Variants in MEIS3 observed in about 807,000 individuals in gnomAD.
The protein encoded by MEIS3 is homeobox protein Meis3.
In MEIS3, 38 loss-of-function variants were observed where a neutral mutation model predicts 51.4. That is an observed-to-expected ratio of 0.74 (90% CI 0.57 to 0.97). MEIS3 has a LOEUF of 0.97. Among genes scored for constraint, MEIS3 ranks in the 50% least tolerant of loss-of-function variants. The pLI is 0.00. For synonymous variants in MEIS3, 198 were observed against 201.8 expected, an observed-to-expected ratio of 0.98 and a Z score of 0.16; for missense variants, 456 against 502.6, an observed-to-expected ratio of 0.91 and a Z score of 0.89.
rs1167410308 is a variant in MEIS3 at position 47,419,423 on chromosome 19, C to G, written c.-342G>C. 3.3e-5 allele frequency: 5 copies of G among 151,204 alleles called. 1 individual carries two copies. The highest frequency in any genetic ancestry group is 5.9e-5 in the Non-Finnish European group (4 of 68,254). The allele number at this position is 151,204 out of a possible 1,614,324, so 9.4% of individuals were successfully genotyped here. ...TGGAGGGAATCGAACCGTCCCGAGACGGACACACCGGGGACCGCAGGGGGC... is the reference window on the plus strand; with the variant it reads ...TGGAGGGAATCGAACCGTCCCGAGAGGGACACACCGGGGACCGCAGGGGGC... On this transcript the variant is annotated 5_prime_UTR_variant, in exon 1 of 13. Transcript: ENST00000558555.
Position 47,406,868 on chromosome 19 carries a change from G to T in MEIS3, c.1078+20C>A. ...TCATGGTGCGCAGGGGCGGGGCCTA[G>T]CTAAGGGGGCGAGGCTTACCCGGAG... is the stretch of plus-strand genomic sequence containing the variant. On this transcript the variant is annotated intron_variant, in intron 11 of 12. Coordinates refer to ENST00000558555, the MANE Select transcript of MEIS3 (RefSeq NM_001301059.2). 6.4e-7 allele frequency: 1 copy of T among 1,555,968 alleles called. No individual in the cohort carries two copies.
chr19:47,410,554 C>G (rs1168145176), intron 6 of MEIS3, among the ~76,000 whole-genome samples: 4 of 151,748 alleles, frequency 2.6e-5, no homozygotes, highest in African/African-American at 4.8e-5. Context: ...ATCACAAGGT[C>G]AGGAGATCGA....
chr19:47,407,597 C>T (rs1343243269), intron 8 of MEIS3, 169 bp from the exon 9 acceptor site: 1 of 1,453,458 alleles, frequency 6.9e-7, no homozygotes, highest in Non-Finnish European at 9.0e-7. Context: ...ACCAAGGGAG[C>T]CTCAGGCTTG....
chr19:47,417,056 A>C (rs1971463572), intron 2 of MEIS3, 93 bp from the exon 3 acceptor site: 2 of 1,529,016 alleles, frequency 1.3e-6, no homozygotes, highest in African/African-American at 1.4e-5. Flanking sequence ...AGGGGACAAG[A>C]GACCCAGAGA....
chr19:47,420,940 A>ACACACTCTCTCTCTCT (rs1187725467), upstream of MEIS3, among the ~76,000 whole-genome samples: 155 of 90,936 alleles, frequency 1.7e-3, 1 homozygote, highest in African/African-American at 7.1e-3. Flanking sequence ...ACACACACAC[A>ACACACTCTCTCTCTCT]CTCTCTCTCT....
intron 12 of MEIS3, 118 bp downstream of exon 12, chr19:47,406,342 G>T (rs1220209708): frequency 1.4e-6 from 1 of 701,220 alleles, no homozygotes; most frequent in Non-Finnish European, 2.5e-6. Context: ...AAGCCTCAGA[G>T]AACCCACAGT....
rs756281973 is a variant in MEIS3, at chr19:47,416,957, C to A, written c.192G>T (p.Pro64=). ...KREKDEIYGH[P]LFPLLALVFE... ...AGACCAGGGCCAAGAGGGGGAAGAG[C>A]GGGTGTCTGGGGAGGCAGGAAAGGA... is the stretch of plus-strand genomic sequence containing the variant. The change falls in exon 3 of 13, where the codon CCG becomes CCT. Residue 64 remains proline (P), a synonymous_variant. Transcript: ENST00000558555. 4.4e-6 allele frequency: 7 copies of A among 1,583,424 alleles called. No individual in the cohort carries two copies. Among genetic ancestry groups the A allele is most frequent in the East Asian group, 4.6e-5 (2 of 43,266 alleles).
chr19:47,407,730 G>C, intron 8 of MEIS3: 1 of 505,972 alleles, frequency 2.0e-6, no homozygotes, highest in Non-Finnish European at 3.3e-6. Flanking sequence ...GGCTTCACTG[G>C]CGTCGGGGAG....
At position 47,419,191 on chromosome 19, in the gene MEIS3, G is replaced by T; in HGVS notation, c.-110C>A. The T allele has an allele frequency of 1.3e-6, 1 of 795,350 alleles. No individual in the cohort carries two copies. Among genetic ancestry groups the T allele is most frequent in the Non-Finnish European group, 1.7e-6 (1 of 593,228 alleles). 49.3% of individuals were successfully genotyped at this position (795,350 alleles called of 1,614,324 possible). ...CCCGCGGTGTTGACGCCAGGGGGTG[G>T]GCAGGAGGCCAGGCGCGCGCCCCCC... On this transcript the variant is annotated 5_prime_UTR_variant, in exon 1 of 13. Coordinates refer to ENST00000558555, the MANE Select transcript of MEIS3 (RefSeq NM_001301059.2).
chr19:47,413,284 C>T (rs560623753), intron 6 of MEIS3, among the ~76,000 whole-genome samples: 8 of 151,620 alleles, frequency 5.3e-5, no homozygotes, highest in Non-Finnish European at 8.8e-5. Context: ...TCCCAGCTAC[C>T]CGGGAGGCTG....
chr19:47,412,357 C>T (rs973697430), intron 6 of MEIS3: 5 of 152,158 alleles, frequency 3.3e-5, no homozygotes, highest in African/African-American at 1.2e-4. Context: ...GCAATCTGCT[C>T]CTCTCTCCAG....
chr19:47,410,907 A>C (rs1450272043), intron 6 of MEIS3, among the ~76,000 whole-genome samples: 1 of 152,204 alleles, frequency 6.6e-6, no homozygotes, highest in African/African-American at 2.4e-5. Flanking sequence ...TCCTTGGGGC[A>C]AGAAGTGTCT....
At chr19:47,411,702 G>A (rs772611504) in intron 6 of MEIS3, among the ~76,000 whole-genome samples, 3 of 150,184 alleles carry the variant, frequency 2.0e-5, no homozygotes, top group East Asian at 2.0e-4. Context: ...CACCATGCCC[G>A]GCTAATTTTT....
chr19:47,407,643 A>G, intron 8 of MEIS3: 1 of 1,272,286 alleles, frequency 7.9e-7, no homozygotes, highest in Non-Finnish European at 1.0e-6. Context: ...CGCCTGTTCC[A>G]GCAATTAGAG....
intron 6 of MEIS3, among the ~76,000 whole-genome samples, chr19:47,412,693 C>G (rs1971195637): frequency 6.6e-6 from 1 of 152,200 alleles, no homozygotes; most frequent in African/African-American, 2.4e-5. Flanking sequence ...TCCTGAGTAG[C>G]TGGGATCAGA....
At chr19:47,419,614 A>G (rs117390197), upstream of MEIS3, 9,747 of 55,958 alleles carry the variant, frequency 0.17, 453 homozygotes, top group Non-Finnish European at 0.22. Context: ...AGCACGAGGG[A>G]TTGGGGTTAG....
intron 2 of MEIS3, 70 bp from the exon 3 acceptor site, chr19:47,417,033 A>C: frequency 6.5e-7 from 1 of 1,543,152 alleles, no homozygotes; most frequent in Non-Finnish European, 8.7e-7. Flanking sequence ...GCCAAGATGC[A>C]GAACAGCTGG....
Position 47,409,156 on chromosome 19 carries a change from C to T in MEIS3, c.801G>A (p.Gly267=), listed in dbSNP as rs761600186. The part of the protein sequence containing the change: ...DQERRRNKKR[G]IFPKVATNIM... ...TGTTGGTGGCCACCTTGGGGAAGATCCCCCTCTTCTTGTTTCGCCGTCGCT... is the reference window on the plus strand; with the variant it reads ...TGTTGGTGGCCACCTTGGGGAAGATTCCCCTCTTCTTGTTTCGCCGTCGCT... The change falls in exon 8 of 13, where the codon GGG becomes GGA. Residue 267 remains glycine, a synonymous_variant. Transcript: ENST00000558555. 6.8e-6 allele frequency: 11 copies of T among 1,612,112 alleles called. No homozygotes were observed. Among genetic ancestry groups the T allele is most frequent in the South Asian group, 1.1e-5 (1 of 91,022 alleles).
chr19:47,403,309 C>G lies in MEIS3; in HGVS notation c.*262G>C, dbSNP rs1970671847. ...GCCCTAGCCGCCATCTTCTGGGGAC[C>G]AAGGCCCAGGAGCCCAGCTCGGGTC... On this transcript the variant is annotated 3_prime_UTR_variant, in exon 13 of 13. Coordinates refer to ENST00000558555, the MANE Select transcript of MEIS3 (RefSeq NM_001301059.2). The G allele has an allele frequency of 2.4e-6, 1 of 410,456 alleles. No individual in the cohort carries two copies. The highest frequency in any genetic ancestry group is 2.1e-5 in the African/African-American group (1 of 48,224). 25.4% of individuals were successfully genotyped at this position (410,456 alleles called of 1,614,324 possible).
Sources: allele counts gnomAD v4.1 joint callset (sites outside exome capture counted in the v4.1 genomes callset), GRCh38; gene constraint gnomAD v4.1.1; transcripts MANE v1.5; gene names NCBI Gene and HGNC (gene_info 2026-07-23, HGNC 2026-07-21).